PLSCR2: variants seen among roughly 807,000 people sequenced by gnomAD.
PLSCR2 encodes the protein phospholipid scramblase 2.
PLSCR2 carries 18 observed loss-of-function variants against 25.3 expected under a neutral mutation model. The observed-to-expected ratio is 0.71, with a 90% CI of 0.49 to 1.06. The LOEUF is 1.06. PLSCR2 is among the 50% of genes least tolerant of loss of function. PLSCR2 has a pLI of 0.00. For missense variants in PLSCR2, 243 were observed against 269.5 expected (o/e 0.90, Z 0.69); for synonymous variants, 88 against 87.3 (o/e 1.01, Z -0.04).
intron 8 of PLSCR2, among the ~76,000 whole-genome samples, chr3:146,434,480 C>T (rs1180033463): frequency 6.6e-6 from 1 of 151,608 alleles, no homozygotes; most frequent in African/African-American, 2.4e-5. Context: ...GACATAGCCA[C>T]TTAATGACAT....
chr3:146,419,017 A>AT (rs2039066982), intron 2 of PLSCR2, among the ~76,000 whole-genome samples: 1 of 152,142 alleles, frequency 6.6e-6, no homozygotes, highest in Non-Finnish European at 1.5e-5. Context: ...GAATGTGCTC[A>AT]TTTTAGTGTC....
chr3:146,467,570 T>C (rs2041926271), intron 1 of PLSCR2, among the ~76,000 whole-genome samples: 2 of 151,950 alleles, frequency 1.3e-5, no homozygotes, highest in Admixed American at 1.3e-4. Context: ...GTTAATAAAA[T>C]TAAATATATT....
chr3:146,459,938 T>C (rs756710377), exon 2 of PLSCR2: 10 of 1,614,138 alleles, frequency 6.2e-6, no homozygotes, highest in Non-Finnish European at 8.5e-6. Flanking sequence ...CTGGCTGATT[T>C]TGAACAGGAA....
intron 1 of PLSCR2, among the ~76,000 whole-genome samples, chr3:146,487,278 C>T (rs1161904168): frequency 6.6e-6 from 1 of 152,140 alleles, no homozygotes; most frequent in Non-Finnish European, 1.5e-5. Context: ...CTCTCTCTCA[C>T]TACTCCTGTA....
At chr3:146,461,740 T>C (rs1228495678), upstream of PLSCR2, 4 of 687,116 alleles carry the variant, frequency 5.8e-6, no homozygotes, top group Non-Finnish European at 7.9e-6. Flanking sequence ...AGGAGGAGTA[T>C]GCATGGTTGT....
At chr3:146,464,287 T>G (rs1040824301), upstream of PLSCR2, among the ~76,000 whole-genome samples, 5 of 152,208 alleles carry the variant, frequency 3.3e-5, no homozygotes, top group African/African-American at 1.2e-4. Context: ...GGTGGGACTT[T>G]TCAGCATACA....
intron 1 of PLSCR2, among the ~76,000 whole-genome samples, chr3:146,476,092 G>C (rs928690263): frequency 6.6e-6 from 1 of 151,814 alleles, no homozygotes; most frequent in South Asian, 2.1e-4. Context: ...GGGGCGCCGG[G>C]GGGTGCACTG....
intron 1 of PLSCR2, among the ~76,000 whole-genome samples, chr3:146,495,733 T>C (rs2043723510): frequency 6.6e-6 from 1 of 152,202 alleles, no homozygotes; most frequent in Non-Finnish European, 1.5e-5. Flanking sequence ...TGGTATTTGT[T>C]ACAGCAGTTC....
chr3:146,475,271 C>T (rs1226348599), intron 1 of PLSCR2, among the ~76,000 whole-genome samples: 1 of 152,020 alleles, frequency 6.6e-6, no homozygotes, highest in Non-Finnish European at 1.5e-5. Flanking sequence ...TTCTCATCTT[C>T]ATGAGTTTGC....
At chr3:146,495,861 C>T (rs1474013836) in intron 1 of PLSCR2, 6 of 1,507,696 alleles carry the variant, frequency 4.0e-6, no homozygotes, top group East Asian at 2.5e-5. Context: ...ATTTGAAGCA[C>T]GTTAGTCTCT....
intron 1 of PLSCR2, among the ~76,000 whole-genome samples, chr3:146,482,006 G>T (rs924753332): frequency 3.9e-5 from 6 of 152,182 alleles, no homozygotes; most frequent in African/African-American, 1.4e-4. Flanking sequence ...AATGGTGCTT[G>T]GAAAACTGGC....
upstream of PLSCR2, among the ~76,000 whole-genome samples, chr3:146,462,372 A>G (rs2041631434): frequency 6.6e-6 from 1 of 152,052 alleles, no homozygotes; most frequent in African/African-American, 2.4e-5. Flanking sequence ...GATTACAGGC[A>G]TAAACCGCTG....
intron 2 of PLSCR2, 86 bp from the exon 3 acceptor site, chr3:146,458,539 T>C: frequency 1.1e-6 from 1 of 898,990 alleles, no homozygotes; most frequent in South Asian, 2.8e-5. Flanking sequence ...TAATACTGCA[T>C]ATAATCAGTT....
intron 2 of PLSCR2, among the ~76,000 whole-genome samples, chr3:146,426,579 T>A (rs2039362507): frequency 6.6e-6 from 1 of 151,960 alleles, no homozygotes; most frequent in Non-Finnish European, 1.5e-5. Flanking sequence ...TGAGGGTACA[T>A]CTACCCTAAC....
intron 2 of PLSCR2, among the ~76,000 whole-genome samples, chr3:146,418,847 T>C (rs571454031): frequency 6.6e-6 from 1 of 152,274 alleles, no homozygotes; most frequent in East Asian, 1.9e-4. Context: ...GCCAACTTCA[T>C]TCCTGGTTTC....
chr3:146,440,214 C>T (rs910079725), downstream of PLSCR2, among the ~76,000 whole-genome samples: 7 of 152,204 alleles, frequency 4.6e-5, no homozygotes, highest in African/African-American at 1.7e-4. Context: ...TTGGGCTACG[C>T]AGGGGTCAGG....
intron 2 of PLSCR2, among the ~76,000 whole-genome samples, chr3:146,421,412 A>G (rs1483936663): frequency 6.6e-6 from 1 of 152,076 alleles, no homozygotes; most frequent in Non-Finnish European, 1.5e-5. Flanking sequence ...CCTGAAGACT[A>G]CTATTTCTTG....
At chr3:146,431,114 G>A (rs748543766), downstream of PLSCR2, among the ~76,000 whole-genome samples, 43 of 152,206 alleles carry the variant, frequency 2.8e-4, no homozygotes, top group Admixed American at 3.3e-4. Flanking sequence ...CTTGACTTCC[G>A]GGGAAAGGGT....
chr3:146,441,492 T>C (rs35336826), downstream of PLSCR2, among the ~76,000 whole-genome samples: 73,498 of 151,720 alleles, frequency 0.48, 18,751 homozygotes, highest in South Asian at 0.7. Context: ...AAAGGAAGTT[T>C]TGTATCTAAA....
Sources: allele counts gnomAD v4.1 joint callset (sites outside exome capture counted in the v4.1 genomes callset), GRCh38; gene constraint gnomAD v4.1.1; transcripts MANE v1.5; gene names NCBI Gene and HGNC (gene_info 2026-07-23, HGNC 2026-07-21).